Variants in ITPR1 observed in about 807,000 individuals in gnomAD.
The protein encoded by ITPR1 is inositol 1,4,5-trisphosphate receptor type 1.
Under a neutral mutation model 318.4 loss-of-function variants are expected in ITPR1, and 96 were observed. The ratio of observed to expected loss-of-function variants is 0.30; its 90% CI spans 0.26 to 0.36. The LOEUF (loss-of-function observed/expected upper bound fraction) is 0.36, where lower values mean the gene tolerates loss of function less well. Among genes scored for constraint, ITPR1 ranks in the 10% least tolerant of loss-of-function variants. The pLI, the probability that ITPR1 is intolerant of heterozygous loss-of-function variation, is 1.00. For missense variants in ITPR1, 2,440 were observed against 3,460.2 expected (o/e 0.71, Z 7.40); for synonymous variants, 1,312 against 1,289.9 (o/e 1.02, Z -0.37).
intron 60 of ITPR1, among the ~76,000 whole-genome samples, chr3:4,825,153 G>C (rs1217118409): frequency 1.3e-5 from 2 of 152,170 alleles, no homozygotes; most frequent in African/African-American, 4.8e-5. Flanking sequence ...CACAGTGGGG[G>C]TAGACACCTC....
intron 43 of ITPR1, 88 bp from the exon 44 acceptor site, chr3:4,735,076 G>A: frequency 1.0e-6 from 1 of 954,842 alleles, no homozygotes; most frequent in Admixed American, 2.1e-5. Context: ...AAAGCATTTA[G>A]TGCATAAAGT....
chr3:4,619,863 T>C (rs561089741), intron 4 of ITPR1, among the ~76,000 whole-genome samples: 2 of 144,264 alleles, frequency 1.4e-5, no homozygotes, highest in East Asian at 4.3e-4. Context: ...TTTTCTCTTT[T>C]TCCTCTTCCC....
At chr3:4,649,258 T>C (rs1337723056) in intron 10 of ITPR1, among the ~76,000 whole-genome samples, 1 of 152,250 alleles carries the variant, frequency 6.6e-6, no homozygotes, top group Admixed American at 6.5e-5. Flanking sequence ...TATTTTTGCA[T>C]AGTTGATACC....
At chr3:4,667,042 G>T (rs1243829753) in intron 17 of ITPR1, among the ~76,000 whole-genome samples, 1 of 152,172 alleles carries the variant, frequency 6.6e-6, no homozygotes, top group Non-Finnish European at 1.5e-5. Context: ...CTTGAATTAG[G>T]AATACGTTTA....
intron 4 of ITPR1, among the ~76,000 whole-genome samples, chr3:4,549,434 T>G (rs2085337281): frequency 6.6e-6 from 1 of 152,238 alleles, no homozygotes; most frequent in African/African-American, 2.4e-5. Context: ...AGCATTAAAG[T>G]GCTTTGTTCA....
rs2094279386 is a variant in ITPR1 at position 4,680,646 on chromosome 3, A to G, written c.3061A>G (p.Thr1021Ala). 6.2e-7 allele frequency: 1 copy of G among 1,613,744 alleles called. No homozygotes were observed. ...TGAAAGCAATTCCCAGACTTCAGAA[A>G]CATCCTCCGGAAACAGCAGCCAAGA... ...FDESNSQTSE[T>A]SSGNSSQEGP... is the part of the protein sequence containing the mutation. Residue 1021 changes from threonine (T) to alanine (A), a missense_variant, in exon 25 of 62, where the codon ACA becomes GCA. By Grantham distance (58) the Thr-to-Ala change is moderately conservative (BLOSUM62 0). Transcript: ENST00000649015.
intron 60 of ITPR1, chr3:4,830,827 C>T (rs946368684): frequency 4.4e-5 from 19 of 429,622 alleles, no homozygotes; most frequent in Non-Finnish European, 7.5e-5. Flanking sequence ...CATCTTCTCC[C>T]CCATGACCCT....
At chr3:4,720,701 A>G (rs1221202152) in intron 40 of ITPR1, among the ~76,000 whole-genome samples, 1 of 152,128 alleles carries the variant, frequency 6.6e-6, no homozygotes, top group Non-Finnish European at 1.5e-5. Context: ...CATTCCAGCT[A>G]CTCAGGGCGG....
intron 61 of ITPR1, among the ~76,000 whole-genome samples, chr3:4,845,154 C>T (rs2051667186): frequency 6.6e-6 from 1 of 152,214 alleles, no homozygotes; most frequent in African/African-American, 2.4e-5. Context: ...AGATCTGATT[C>T]CAAAGCCTTT....
chr3:4,519,457 C>T (rs1045621253), intron 3 of ITPR1, among the ~76,000 whole-genome samples: 1 of 152,124 alleles, frequency 6.6e-6, no homozygotes, highest in African/African-American at 2.4e-5. Flanking sequence ...AATCTCTTGA[C>T]CTCGTGATCC....
At chr3:4,580,589 C>T (rs2089226447) in intron 4 of ITPR1, among the ~76,000 whole-genome samples, 1 of 151,760 alleles carries the variant, frequency 6.6e-6, no homozygotes, top group South Asian at 2.1e-4. Context: ...CTGTGTCCTG[C>T]AGCTCACTGG....
At chr3:4,574,852 C>T (rs571101047) in intron 4 of ITPR1, among the ~76,000 whole-genome samples, 1 of 152,332 alleles carries the variant, frequency 6.6e-6, no homozygotes, top group Admixed American at 6.5e-5. Context: ...TTAGAAGCAA[C>T]AGTAATTAAA....
At chr3:4,613,216 T>A (rs569617983) in intron 4 of ITPR1, among the ~76,000 whole-genome samples, 8 of 152,240 alleles carry the variant, frequency 5.3e-5, no homozygotes, top group Non-Finnish European at 1.2e-4. Context: ...TGCATTCTTC[T>A]GAGTCCTTTG....
At chr3:4,722,079 T>C (rs2042204178) in intron 40 of ITPR1, among the ~76,000 whole-genome samples, 1 of 152,230 alleles carries the variant, frequency 6.6e-6, no homozygotes, top group African/African-American at 2.4e-5. Flanking sequence ...AGGGCCTGAT[T>C]CGTGGCCTCA....
At chr3:4,743,276 T>C (rs1375343185) in intron 44 of ITPR1, among the ~76,000 whole-genome samples, 2 of 152,222 alleles carry the variant, frequency 1.3e-5, no homozygotes, top group Non-Finnish European at 2.9e-5. Context: ...CAGGAGTCCT[T>C]GAGGATTATT....
intron 4 of ITPR1, among the ~76,000 whole-genome samples, chr3:4,533,799 C>G (rs143679215): frequency 5.3e-4 from 80 of 152,318 alleles, no homozygotes; most frequent in African/African-American, 1.9e-3. Flanking sequence ...TCTCCTCGCA[C>G]GAGCCTTGAT....
intron 4 of ITPR1, among the ~76,000 whole-genome samples, chr3:4,547,071 A>G (rs573725734): frequency 1.3e-5 from 2 of 152,264 alleles, no homozygotes; most frequent in African/African-American, 4.8e-5. Flanking sequence ...AGAAAGTGAA[A>G]CACAGCAAAA....
At chr3:4,786,124 C>T (rs887144868) in intron 51 of ITPR1, among the ~76,000 whole-genome samples, 2 of 152,212 alleles carry the variant, frequency 1.3e-5, no homozygotes, top group Non-Finnish European at 2.9e-5. Context: ...CACCTCAGAT[C>T]ATCTTCCTTC....
chr3:4,579,558 A>G (rs1288223345), intron 4 of ITPR1, among the ~76,000 whole-genome samples: 1 of 152,232 alleles, frequency 6.6e-6, no homozygotes, highest in Admixed American at 6.5e-5. Context: ...TGCTTAGAGA[A>G]AGGAAATATT....
Sources: gnomAD v4.1 joint callset for allele counts (sites outside exome capture counted in the v4.1 genomes callset) on GRCh38, gnomAD v4.1.1 for gene constraint, MANE v1.5 for transcripts, NCBI Gene and HGNC (gene_info 2026-07-23, HGNC 2026-07-21) for gene names.